The following STYX variants were observed in gnomAD, a reference collection of about 807,000 sequenced individuals.
STYX encodes serine/threonine/tyrosine-interacting protein.
A neutral mutation model predicts 42.7 loss-of-function variants in STYX; 20 were observed. That is an observed-to-expected ratio of 0.47 (90% CI 0.33 to 0.68). The LOEUF (loss-of-function observed/expected upper bound fraction) is 0.68. STYX is among the 30% of genes least tolerant of loss of function. The pLI is 0.02. For synonymous variants in STYX, 78 were observed against 81.9 expected, an observed-to-expected ratio of 0.95 and a Z score of 0.26; for missense variants, 226 against 268.5, an observed-to-expected ratio of 0.84 and a Z score of 1.11.
At chr14:52,765,561 T>C (rs1202604309) in intron 9 of STYX, among the ~76,000 whole-genome samples, 1 of 152,168 alleles carries the variant, frequency 6.6e-6, no homozygotes, top group East Asian at 1.9e-4. Context: ...AATTTTAAGA[T>C]TCCCCCCTTA....
intron 3 of STYX, among the ~76,000 whole-genome samples, chr14:52,748,178 T>C (rs1881467083): frequency 6.6e-6 from 1 of 152,160 alleles, no homozygotes; most frequent in South Asian, 2.1e-4. Context: ...AAAATAATAA[T>C]GGAGATAAAC....
intron 2 of STYX, among the ~76,000 whole-genome samples, chr14:52,745,112 GTTTTTTTTTTGTTT>G (rs1881344294): frequency 7.2e-6 from 1 of 138,800 alleles, no homozygotes; most frequent in African/African-American, 2.7e-5. Flanking sequence ...CTTTCTCTTG[GTTTTTTTTTTGTTT>G]TTTTTTTTTT....
At chr14:52,730,553 C>T (rs755041386) in intron 1 of STYX, 22 bp downstream of exon 1, 2 of 1,611,244 alleles carry the variant, frequency 1.2e-6, no homozygotes, top group East Asian at 4.5e-5. Context: ...CCGTGGCTGC[C>T]ACGCACAGGC....
At chr14:52,743,709 AAAAT>A (rs1355190091) in intron 1 of STYX, among the ~76,000 whole-genome samples, 1 of 152,190 alleles carries the variant, frequency 6.6e-6, no homozygotes, top group East Asian at 1.9e-4. Context: ...AAAGGTTAAA[AAAAT>A]ATTTTCCAGA....
intron 1 of STYX, among the ~76,000 whole-genome samples, chr14:52,732,114 GAC>G (rs1268493514): frequency 7.2e-5 from 4 of 55,420 alleles, no homozygotes; most frequent in Non-Finnish European, 1.5e-4. Flanking sequence ...TTTTTTTTTT[GAC>G]ACAGAGTTTC....
chr14:52,750,902 A>T (rs1881585962), intron 4 of STYX, 122 bp downstream of exon 4: 4 of 507,728 alleles, frequency 7.9e-6, no homozygotes, highest in Non-Finnish European at 9.8e-6. Context: ...ATAGTTTTTT[A>T]AAATAAATTT....
intron 2 of STYX, among the ~76,000 whole-genome samples, chr14:52,745,378 A>G (rs931447860): frequency 6.6e-6 from 1 of 151,982 alleles, no homozygotes; most frequent in Admixed American, 6.6e-5. Context: ...CAGGTGATCC[A>G]CCCACCTTGG....
intron 1 of STYX, among the ~76,000 whole-genome samples, chr14:52,740,891 T>A (rs1421032978): frequency 6.6e-6 from 1 of 152,216 alleles, no homozygotes; most frequent in Non-Finnish European, 1.5e-5. Context: ...GAAGGTTACA[T>A]CTATTTCCAG....
At chr14:52,739,566 G>A (rs1048675079) in intron 1 of STYX, among the ~76,000 whole-genome samples, 5 of 151,366 alleles carry the variant, frequency 3.3e-5, no homozygotes, top group African/African-American at 1.2e-4. Flanking sequence ...TATCATTAGG[G>A]GTACCATGAC....
intron 3 of STYX, among the ~76,000 whole-genome samples, chr14:52,750,156 A>C (rs1881554101): frequency 6.6e-6 from 1 of 152,220 alleles, no homozygotes; most frequent in African/African-American, 2.4e-5. Flanking sequence ...GAAAATTTTT[A>C]AATGGTAAAA....
chr14:52,732,152 C>T (rs1880745516), intron 1 of STYX, among the ~76,000 whole-genome samples: 1 of 146,028 alleles, frequency 6.8e-6, no homozygotes, highest in Non-Finnish European at 1.5e-5. Flanking sequence ...GGCTGGAGTG[C>T]AGTGGCGCTG....
chr14:52,730,711 C>T (rs960697319), intron 1 of STYX, among the ~76,000 whole-genome samples, 180 bp downstream of exon 1: 3 of 152,230 alleles, frequency 2.0e-5, no homozygotes, highest in African/African-American at 4.8e-5. Flanking sequence ...TCGTCCTCTC[C>T]AGACCCCGCG....
rs116238254 is a variant in STYX at position 52,750,262 on chromosome 14, T to G, written c.145-421T>G. On this transcript the variant is annotated intron_variant, in intron 3 of 10. Coordinates refer to ENST00000354586, the MANE Select transcript of STYX (RefSeq NM_145251.4). Reference sequence around the variant, plus strand: ...TGTCTAGAGATTTGGGTTCCAGTACTGCTGTTAACTAGGTCGGTGATGTCC... The same window carrying G: ...TGTCTAGAGATTTGGGTTCCAGTACGGCTGTTAACTAGGTCGGTGATGTCC... Among the ~76,000 whole-genome samples, 643 of 152,298 alleles carry G rather than the reference T, an allele frequency of 4.2e-3. 5 individuals are homozygous for G. The highest frequency in any genetic ancestry group is 0.015 in the African/African-American group (606 of 41,566).
intron 9 of STYX, among the ~76,000 whole-genome samples, chr14:52,767,085 C>A (rs1314200304): frequency 6.6e-6 from 1 of 151,928 alleles, no homozygotes; most frequent in Non-Finnish European, 1.5e-5. Context: ...GAAGGTGGGA[C>A]GAGAATTGTA....
chr14:52,734,603 C>G (rs113998113), intron 1 of STYX, among the ~76,000 whole-genome samples: 2 of 152,032 alleles, frequency 1.3e-5, no homozygotes, highest in Non-Finnish European at 2.9e-5. Flanking sequence ...AGAGAAAGAC[C>G]ATGTATTTCA....
chr14:52,741,861 C>T (rs981124080), intron 1 of STYX, among the ~76,000 whole-genome samples: 16 of 152,016 alleles, frequency 1.1e-4, no homozygotes, highest in African/African-American at 1.4e-4. Flanking sequence ...TTATATTTTT[C>T]GTTATTGCTT....
rs1377945643 is a variant in STYX at position 52,774,827 on chromosome 14, G to C, written c.*3721G>C. The C allele has an allele frequency of 6.6e-6, 1 of 152,084 alleles. No individual in the cohort carries two copies. The highest frequency in any genetic ancestry group is 1.5e-5 in the Non-Finnish European group (1 of 68,004). The allele number at this position is 152,084 out of a possible 1,614,324, so 9.4% of individuals were successfully genotyped here. On this transcript the variant is annotated 3_prime_UTR_variant, in exon 11 of 11. Transcript: ENST00000354586. The stretch of plus-strand genomic sequence containing the variant: ...TCTGTATACCTTTGTATACACAATT[G>C]CTTAAGTTACTCTGCTTTTAACATT...
intron 1 of STYX, among the ~76,000 whole-genome samples, chr14:52,742,197 C>G (rs1881220659): frequency 6.6e-6 from 1 of 152,162 alleles, no homozygotes; most frequent in African/African-American, 2.4e-5. Flanking sequence ...CTACCCAGAG[C>G]CAAAGCTAGG....
chr14:52,765,292 C>T (rs1275562764), intron 9 of STYX, among the ~76,000 whole-genome samples: 2 of 152,154 alleles, frequency 1.3e-5, no homozygotes, highest in Admixed American at 6.5e-5. Context: ...AATCTAGGCT[C>T]ACTGCAATCT....
Sources: allele counts gnomAD v4.1 joint callset (sites outside exome capture counted in the v4.1 genomes callset), GRCh38; gene constraint gnomAD v4.1.1; transcripts MANE v1.5; gene names NCBI Gene and HGNC (gene_info 2026-07-23, HGNC 2026-07-21).